SRRM2: variants seen among roughly 807,000 people sequenced by gnomAD.
SRRM2 encodes serine/arginine repetitive matrix 2.
Under a neutral mutation model 213.8 loss-of-function variants are expected in SRRM2, and 30 were observed. That is an observed-to-expected ratio of 0.14 (90% CI 0.10 to 0.19). The LOEUF (loss-of-function observed/expected upper bound fraction) is 0.19, where lower values mean the gene tolerates loss of function less well. Among genes scored for constraint, SRRM2 ranks in the 10% least tolerant of loss-of-function variants. The pLI, the probability that SRRM2 is intolerant of heterozygous loss-of-function variation, is 1.00. For synonymous variants in SRRM2, 2,025 were observed against 1,377.7 expected (o/e 1.47, Z -10.40); for missense variants, 4,904 against 3,647.0 (o/e 1.34, Z -8.88).
At position 2,769,167 on chromosome 16, in the gene SRRM2, C is replaced by G. The variant is rs141137959; in HGVS notation, c.7904C>G (p.Ser2635Cys). The G allele has an allele frequency of 5.0e-6, 8 of 1,612,386 alleles. No individual in the cohort carries two copies. Among genetic ancestry groups the G allele is most frequent in the African/African-American group, 2.7e-5 (2 of 74,878 alleles). ...SSSSSSSSSS[S>C]SSSSSSSSSS... ...TCTTCCTCCTCCTCTTCCTCTTCTT[C>G]TTCTTCCTCCTCATCTTCCTCCTCC... The change falls in exon 12 of 15, where the codon TCT becomes TGT. Residue 2635 changes from serine to cysteine, a missense_variant. Coordinates refer to ENST00000301740, the MANE Select transcript of SRRM2 (RefSeq NM_016333.4).
Position 2,767,611 on chromosome 16 carries a change from G to C in SRRM2, c.7083G>C (p.Leu2361Phe). The C allele has an allele frequency of 6.2e-7, 1 of 1,614,134 alleles. No individual in the cohort carries two copies. The highest frequency in any genetic ancestry group is 8.5e-7 in the Non-Finnish European group (1 of 1,180,018). Reference protein sequence around the residue: ...NIAGSRTAAALAPASLTSARM... With the variant: ...NIAGSRTAAAFAPASLTSARM... Reference sequence around the variant, plus strand: ...CCGGCTCCAGAACCGCCGCAGCCTTGGCCCCCGCGAGCCTCACCAGTGCTA... The same window carrying C: ...CCGGCTCCAGAACCGCCGCAGCCTTCGCCCCCGCGAGCCTCACCAGTGCTA... Residue 2361 changes from leucine (L) to phenylalanine (F), a missense_variant, in exon 11 of 15, where the codon TTG (leucine) becomes TTC (phenylalanine). By Grantham distance (22) the Leu-to-Phe change is conservative (BLOSUM62 0). Transcript: ENST00000301740.
chr16:2,756,672 G>A (rs1009342179), intron 2 of SRRM2, 66 bp downstream of exon 2: 2 of 1,543,386 alleles, frequency 1.3e-6, no homozygotes, highest in Non-Finnish European at 1.7e-6. Flanking sequence ...TAGGTGGGAT[G>A]TATAGGGAGC....
At chr16:2,757,416 C>T (rs1304399013) in intron 2 of SRRM2, 56 bp from the exon 3 acceptor site, 1 of 1,541,334 alleles carries the variant, frequency 6.5e-7, no homozygotes, top group Non-Finnish European at 8.9e-7. Context: ...AAATGGAAAC[C>T]TGGGACTGGG....
At chr16:2,757,759 C>G in intron 3 of SRRM2, 22 bp from the exon 4 acceptor site, 2 of 1,611,854 alleles carry the variant, frequency 1.2e-6, no homozygotes, top group African/African-American at 1.3e-5. Context: ...TTCCTTCAGA[C>G]TTTTGCCCTT....
At position 2,769,406 on chromosome 16, in the gene SRRM2, G is replaced by T. The variant is rs1172965438; in HGVS notation, c.8021+122G>T. ...TGGCCTTGGGCATCTGGTTGTGGGGGAGGAGGCACTTGCTCTCCTCTCCCC... is the reference window on the plus strand; with the variant it reads ...TGGCCTTGGGCATCTGGTTGTGGGGTAGGAGGCACTTGCTCTCCTCTCCCC... On this transcript the variant is annotated intron_variant, in intron 12 of 14. Coordinates refer to ENST00000301740, the MANE Select transcript of SRRM2 (RefSeq NM_016333.4). 9.4e-6 allele frequency: 11 copies of T among 1,171,210 alleles called. No homozygotes were observed. In the Middle Eastern group the frequency reaches 8.4e-4, roughly 89 times the overall value. 72.6% of individuals were successfully genotyped at this position (1,171,210 alleles called of 1,614,324 possible). A position where few individuals can be genotyped will look rare whatever the true frequency, so the allele number is the denominator to read the frequency against.
rs1037217985 is a variant in SRRM2 at position 2,770,782 on chromosome 16, A to T, written c.8249+65A>T. The T allele has an allele frequency of 1.5e-5, 24 of 1,609,340 alleles. No individual in the cohort carries two copies. The Admixed American group carries it at 3.2e-4, about 21-fold the overall frequency. Reference sequence around the variant, plus strand: ...AGTTGTGGTGGTGGGTGGCGGCCCCATTTTGGGAGTGGCCCAGAAACTGGC... The same window carrying T: ...AGTTGTGGTGGTGGGTGGCGGCCCCTTTTTGGGAGTGGCCCAGAAACTGGC... On this transcript the variant is annotated intron_variant, in intron 14 of 14. Coordinates refer to ENST00000301740, the MANE Select transcript of SRRM2 (RefSeq NM_016333.4).
In SRRM2 at chr16:2,765,365, A is replaced by G. The variant is rs1157106248; in HGVS notation, c.4837A>G (p.Arg1613Gly). The change falls in exon 11 of 15, where the codon AGG becomes GGG. Residue 1613 changes from arginine (R) to glycine (G), a missense_variant. By Grantham distance (125) the Arg-to-Gly change is moderately radical. Transcript: ENST00000301740. ...EVKDKPRAAPRAQSGSDSSPE... is the reference protein window; with the variant it reads ...EVKDKPRAAPGAQSGSDSSPE... ...GAAAGATAAGCCAAGAGCAGCACCC[A>G]GGGCACAGAGTGGTTCTGATTCCTC... is the stretch of plus-strand genomic sequence containing the variant. 2 of 1,614,170 alleles carry G rather than the reference A, an allele frequency of 1.2e-6. No homozygotes were observed. The highest frequency in any genetic ancestry group is 8.5e-7 in the Non-Finnish European group (1 of 1,180,036).
Position 2,762,667 on chromosome 16 carries a change from T to C in SRRM2, c.2139T>C (p.Ser713=), listed in dbSNP as rs1455413877. The C allele has an allele frequency of 6.2e-7, 1 of 1,614,044 alleles. No individual in the cohort carries two copies. Among genetic ancestry groups the C allele is most frequent in the Admixed American group, 1.7e-5 (1 of 60,018 alleles). Reference sequence around the variant, plus strand: ...GAAGCTTAGTTAGACGTGGAAGATCTCACTCTAGAACACCTCAAAGAAGAG... The same window carrying C: ...GAAGCTTAGTTAGACGTGGAAGATCCCACTCTAGAACACCTCAAAGAAGAG... ...RSRSLVRRGR[S]HSRTPQRRGR... is the part of the protein sequence containing the mutation. Residue 713 remains serine, a synonymous_variant, in exon 11 of 15, where the codon TCT becomes TCC. Coordinates refer to ENST00000301740, the MANE Select transcript of SRRM2 (RefSeq NM_016333.4).
At position 2,757,917 on chromosome 16, in the gene SRRM2, C is replaced by G. The variant is rs779983798; in HGVS notation, c.487C>G (p.Pro163Ala). ...PQRRAREAKQ[P>A]APEPPKPYSL... Reference sequence around the variant, plus strand: ...GCGTCGTGCCCGAGAAGCTAAACAACCAGCTCCTGAGCCTCCCAAACCTTA... The same window carrying G: ...GCGTCGTGCCCGAGAAGCTAAACAAGCAGCTCCTGAGCCTCCCAAACCTTA... The change falls in exon 4 of 15, where the codon CCA becomes GCA. Residue 163 changes from proline to alanine, a missense_variant. Transcript: ENST00000301740. 3 of 1,614,098 alleles carry G rather than the reference C, an allele frequency of 1.9e-6. No individual in the cohort carries two copies. The highest frequency in any genetic ancestry group is 1.7e-5 in the Admixed American group (1 of 60,014).
chr16:2,753,029 G>C lies in SRRM2; in HGVS notation c.-32+183G>C, dbSNP rs1474837765. 3.2e-5 allele frequency among the ~76,000 whole-genome samples: 4 copies of C among 123,608 alleles called. No individual in the cohort carries two copies. In the East Asian group the frequency reaches 9.3e-4, roughly 29 times the overall value. The allele number at this position is 123,608 out of a possible 152,430, so 81.1% of individuals were successfully genotyped here. ...CCTTCCCGCCGTTCCTGTCGCGCGCGGGCTTCACCCCCCCCCGCCCCTCCC... is the reference window on the plus strand; with the variant it reads ...CCTTCCCGCCGTTCCTGTCGCGCGCCGGCTTCACCCCCCCCCGCCCCTCCC... On this transcript the variant is annotated intron_variant, in intron 1 of 14. Transcript: ENST00000301740.
At chr16:2,768,954 C>A in intron 11 of SRRM2, 43 bp from the exon 12 acceptor site, 1 of 1,605,352 alleles carries the variant, frequency 6.2e-7, no homozygotes, top group Non-Finnish European at 8.5e-7. Flanking sequence ...AGGGTTGGGG[C>A]TGGGGCAGCT....
rs370576296 is a variant in SRRM2, at chr16:2,764,717, T to G, written c.4189T>G (p.Ser1397Ala). The change falls in exon 11 of 15, where the codon TCT (serine) becomes GCT (alanine). Residue 1397 changes from serine to alanine, a missense_variant. By Grantham distance (99) the Ser-to-Ala change is moderately conservative. Transcript: ENST00000301740. ...AGATGCAGTGGAAAAGGCAGGGATG[T>G]CTTCAAATCAGAGCATCTCTTCACC... ...SPDAVEKAGMSSNQSISSPVL... is the reference protein window; with the variant it reads ...SPDAVEKAGMASNQSISSPVL... 34 of 1,614,016 alleles carry G rather than the reference T, an allele frequency of 2.1e-5. No individual in the cohort carries two copies. The highest frequency in any genetic ancestry group is 2.8e-5 in the Non-Finnish European group (33 of 1,180,046).
rs779081717 is a variant in SRRM2, at chr16:2,761,594, A to G, written c.1066A>G (p.Arg356Gly). 21 of 1,518,480 alleles carry G rather than the reference A, an allele frequency of 1.4e-5. No individual in the cohort carries two copies. The East Asian group carries it at 4.6e-4, about 33-fold the overall frequency. 94.1% of individuals were successfully genotyped at this position (1,518,480 alleles called of 1,614,324 possible). The change falls in exon 11 of 15, where the codon AGG (arginine) becomes GGG (glycine). Residue 356 changes from arginine to glycine, a missense_variant. Transcript: ENST00000301740. Reference protein sequence around the residue: ...SATRPSPSPERSSTGPEPPAP... With the variant: ...SATRPSPSPEGSSTGPEPPAP... ...AACTCGACCTAGCCCCTCTCCGGAAAGGAGCAGCACAGGCCCAGAACCACC... is the reference window on the plus strand; with the variant it reads ...AACTCGACCTAGCCCCTCTCCGGAAGGGAGCAGCACAGGCCCAGAACCACC...
chr16:2,766,215 G>A lies in SRRM2; in HGVS notation c.5687G>A (p.Ser1896Asn). Residue 1896 changes from serine to asparagine, a missense_variant, in exon 11 of 15, where the codon AGC (serine) becomes AAC (asparagine). By Grantham distance (46) the Ser-to-Asn change is conservative. Coordinates refer to ENST00000301740, the MANE Select transcript of SRRM2 (RefSeq NM_016333.4). The surrounding 1 kb of genome is among the most constrained non-coding windows in gnomAD (Gnocchi z 7.0). The stretch of plus-strand genomic sequence containing the variant: ...TCCAGATCTCGAACTTCACCAGTCA[G>A]CCGGAGACGGTCAAGGTCCAGGACT... ...RRSRSRTSPVSRRRSRSRTSV... is the reference protein window; with the variant it reads ...RRSRSRTSPVNRRRSRSRTSV... 1 of 1,614,174 alleles carries A rather than the reference G, an allele frequency of 6.2e-7. No individual in the cohort carries two copies. The highest frequency in any genetic ancestry group is 8.5e-7 in the Non-Finnish European group (1 of 1,180,032).
In SRRM2 at chr16:2,756,502, G is replaced by A. The variant is rs2068147021; in HGVS notation, c.138G>A (p.Glu46=). ...YKGEEELRRL[E]AALVKRPNPD... The stretch of plus-strand genomic sequence containing the variant: ...GAGAGGAGGAACTGCGGCGCCTGGA[G>A]GCTGCCCTGGTGAAGCGGCCTAATC... Residue 46 remains glutamate (E), a synonymous_variant, in exon 2 of 15, where the codon GAG becomes GAA. Transcript: ENST00000301740. The A allele has an allele frequency of 2.5e-6, 4 of 1,613,950 alleles. No homozygotes were observed. The highest frequency in any genetic ancestry group is 1.3e-5 in the African/African-American group (1 of 74,936).
rs1382649817 is a variant in SRRM2 at position 2,771,046 on chromosome 16, C to G, written c.*179C>G. ...TTCTTTGTTCCTGTGAAATGTTAAT[C>G]TCCGTGAGTTCTTCCTGGTTCATGT... is the stretch of plus-strand genomic sequence containing the variant. On this transcript the variant is annotated 3_prime_UTR_variant, in exon 15 of 15. Coordinates refer to ENST00000301740, the MANE Select transcript of SRRM2 (RefSeq NM_016333.4). The G allele has an allele frequency of 1.1e-5, 7 of 629,690 alleles. No homozygotes were observed. Among genetic ancestry groups the G allele is most frequent in the Non-Finnish European group, 1.9e-5 (7 of 377,890 alleles). 39.0% of individuals were successfully genotyped at this position (629,690 alleles called of 1,614,324 possible).
intron 11 of SRRM2, chr16:2,768,703 T>C (rs3094792): frequency 4.1e-5 from 28 of 688,564 alleles, no homozygotes; most frequent in Admixed American, 6.1e-5. Flanking sequence ...GGAAGGAGAC[T>C]ACCCAGCTTC....
At chr16:2,769,462 C>G in intron 12 of SRRM2, 178 bp downstream of exon 12, 1 of 740,462 alleles carries the variant, frequency 1.4e-6, no homozygotes, top group Non-Finnish European at 2.2e-6. Context: ...TGGCGAAGGG[C>G]TGCGCCATCC....
Position 2,752,683 on chromosome 16 carries a change from T to A in SRRM2, c.-195T>A. The A allele has an allele frequency of 3.3e-6, 1 of 307,686 alleles. No homozygotes were observed. Among genetic ancestry groups the A allele is most frequent in the Non-Finnish European group, 6.4e-6 (1 of 155,768 alleles). The allele number at this position is 307,686 out of a possible 1,614,324, so 19.1% of individuals were successfully genotyped here. On this transcript the variant is annotated 5_prime_UTR_variant, in exon 1 of 15. Coordinates refer to ENST00000301740, the MANE Select transcript of SRRM2 (RefSeq NM_016333.4). ...CCAGGCGGGGTGCGAGTGGCGCAGT[T>A]GGAGCCCGTTGCGGCCCCTGAGGAA...
Sources: allele counts gnomAD v4.1 joint callset (sites outside exome capture counted in the v4.1 genomes callset), GRCh38; gene constraint gnomAD v4.1.1; non-coding constraint Gnocchi (gnomAD v3.1); transcripts MANE v1.5; gene names NCBI Gene and HGNC (gene_info 2026-07-23, HGNC 2026-07-21).